Variants in ADAMTS20 observed in about 807,000 individuals in gnomAD.
ADAMTS20 encodes the protein ADAM metallopeptidase with thrombospondin type 1 motif 20, also known as A disintegrin and metalloproteinase with thrombospondin motifs 20.
ADAMTS20 carries 225 observed loss-of-function variants against 260.1 expected under a neutral mutation model. That is an observed-to-expected ratio of 0.87 (90% CI 0.78 to 0.97). The LOEUF is 0.97. ADAMTS20 is among the 50% of genes least tolerant of loss of function. The pLI is 0.00. For missense variants in ADAMTS20, 2,400 were observed against 2,337.7 expected (o/e 1.03, Z -0.55); for synonymous variants, 802 against 769.5 (o/e 1.04, Z -0.70).
At chr12:43,477,359 A>C (rs1218498953) in intron 7 of ADAMTS20, among the ~76,000 whole-genome samples, 1 of 152,168 alleles carries the variant, frequency 6.6e-6, no homozygotes, top group Admixed American at 6.5e-5. Context: ...TGCAAGAAAT[A>C]TATTCAGTAG....
intron 7 of ADAMTS20, among the ~76,000 whole-genome samples, chr12:43,489,122 T>C (rs1942565089): frequency 6.6e-6 from 1 of 151,880 alleles, no homozygotes; most frequent in Admixed American, 6.6e-5. Context: ...TCAAAAAAAA[T>C]TACCCCAATG....
chr12:43,427,809 G>A lies in ADAMTS20; in HGVS notation c.3946-340C>T, dbSNP rs182177704. On this transcript the variant is annotated intron_variant, in intron 26 of 38. Coordinates refer to ENST00000389420, the MANE Select transcript of ADAMTS20 (RefSeq NM_025003.5). The stretch of plus-strand genomic sequence containing the variant: ...TATTAAATTACTTAACTTTACACTG[G>A]TGTTTTTCTTTATTTTGTATTATGA... 3.1e-3 allele frequency among the ~76,000 whole-genome samples: 468 copies of A among 152,180 alleles called. 3 individuals carry two copies. The highest frequency in any genetic ancestry group is 5.4e-3 in the Non-Finnish European group (369 of 67,998).
chr12:43,526,351 G>C (rs1048732052), intron 3 of ADAMTS20, among the ~76,000 whole-genome samples: 1 of 152,084 alleles, frequency 6.6e-6, no homozygotes, highest in South Asian at 2.1e-4. Context: ...CCAGCTACTC[G>C]GGAGGCTGAG....
At chr12:43,506,042 T>A (rs1033996697) in intron 3 of ADAMTS20, among the ~76,000 whole-genome samples, 2 of 152,160 alleles carry the variant, frequency 1.3e-5, no homozygotes, top group African/African-American at 4.8e-5. Context: ...GAGGATCACT[T>A]GAGCCTCCAA....
At chr12:43,414,988 T>C (rs188170633) in intron 28 of ADAMTS20, among the ~76,000 whole-genome samples, 16 of 152,262 alleles carry the variant, frequency 1.1e-4, no homozygotes, top group African/African-American at 3.9e-4. Flanking sequence ...TTCATAGAAG[T>C]CATACAAGTT....
At chr12:43,528,370 A>C (rs912007715) in intron 3 of ADAMTS20, among the ~76,000 whole-genome samples, 13 of 149,136 alleles carry the variant, frequency 8.7e-5, no homozygotes, top group Admixed American at 7.4e-4. Context: ...AAAAAAAAAA[A>C]AAAACACAAA....
chr12:43,479,546 T>A (rs1221881750), intron 7 of ADAMTS20, among the ~76,000 whole-genome samples: 1 of 152,102 alleles, frequency 6.6e-6, no homozygotes. Flanking sequence ...CTCCACACAT[T>A]CATAAATATT....
At chr12:43,463,776 A>G (rs1567460) in intron 10 of ADAMTS20, among the ~76,000 whole-genome samples, 152,256 of 152,260 alleles carry the variant, frequency 1, 76,126 homozygotes, top group Middle Eastern at 1. Context: ...TTTGTGGCAT[A>G]TACTGTGCAA....
chr12:43,462,263 A>G (rs1942076999), intron 11 of ADAMTS20, among the ~76,000 whole-genome samples: 1 of 152,218 alleles, frequency 6.6e-6, no homozygotes, highest in Non-Finnish European at 1.5e-5. Flanking sequence ...TAAACACTTA[A>G]TGTAGTCAAC....
chr12:43,380,768 C>T (rs1940332702), intron 31 of ADAMTS20, among the ~76,000 whole-genome samples: 2 of 152,236 alleles, frequency 1.3e-5, no homozygotes, highest in Middle Eastern at 6.8e-3. Flanking sequence ...ATTCATTCCA[C>T]ATTCGTAGAT....
chr12:43,474,336 G>A (rs1208769259), intron 7 of ADAMTS20, among the ~76,000 whole-genome samples: 5 of 147,994 alleles, frequency 3.4e-5, no homozygotes, highest in African/African-American at 1.2e-4. Context: ...CTGAAATTGT[G>A]GCAATAATCA....
chr12:43,528,539 GCAT>G (rs1405921424), intron 3 of ADAMTS20, among the ~76,000 whole-genome samples: 1 of 151,656 alleles, frequency 6.6e-6, no homozygotes, highest in African/African-American at 2.4e-5. Flanking sequence ...CTTTGACAAA[GCAT>G]ACTACATAAA....
intron 3 of ADAMTS20, among the ~76,000 whole-genome samples, chr12:43,527,790 C>T (rs1207437920): frequency 6.6e-6 from 1 of 152,044 alleles, no homozygotes; most frequent in Non-Finnish European, 1.5e-5. Flanking sequence ...GGCAAGGAGG[C>T]CCACTTTTAC....
rs1491528956 is a variant in ADAMTS20 at position 43,379,987 on chromosome 12, A to AC, written c.4798-2426_4798-2425insG. On this transcript the variant is annotated intron_variant, in intron 31 of 38. Coordinates refer to ENST00000389420, the MANE Select transcript of ADAMTS20 (RefSeq NM_025003.5). ...TTTCCCAAATCCAGACAGACATCAC[A>AC]AAAAAAAAAACTATAGACCAGTAGT... 4.1e-5 allele frequency among the ~76,000 whole-genome samples: 3 copies of AC among 73,392 alleles called. No individual in the cohort carries two copies. In the African/African-American group the frequency reaches 5.3e-4, roughly 13 times the overall value. 48.1% of individuals were successfully genotyped at this position (73,392 alleles called of 152,430 possible).
chr12:43,539,886 A>ATT lies in ADAMTS20; in HGVS notation c.454-7693_454-7692dup, dbSNP rs11437185. 9.1e-3 allele frequency among the ~76,000 whole-genome samples: 1,331 copies of ATT among 146,512 alleles called. 63 individuals carry two copies. In the East Asian group the frequency reaches 0.15, roughly 17 times the overall value. Reference sequence around the variant, plus strand: ...TTAAAAGTACTTATATTAACCATAGATTTTTTTTTTTTTTTGAGACAGAGT... The same window carrying ATT: ...TTAAAAGTACTTATATTAACCATAGATTTTTTTTTTTTTTTTTGAGACAGAGT... On this transcript the variant is annotated intron_variant, in intron 2 of 38. Coordinates refer to ENST00000389420, the MANE Select transcript of ADAMTS20 (RefSeq NM_025003.5).
intron 36 of ADAMTS20, among the ~76,000 whole-genome samples, chr12:43,370,058 C>T (rs1940073873): frequency 6.6e-6 from 1 of 152,088 alleles, no homozygotes; most frequent in Non-Finnish European, 1.5e-5. Context: ...ATTATCCCAA[C>T]CAAATCATCT....
At chr12:43,454,880 A>G (rs1382219966) in intron 11 of ADAMTS20, among the ~76,000 whole-genome samples, 1 of 152,238 alleles carries the variant, frequency 6.6e-6, no homozygotes, top group East Asian at 1.9e-4. Flanking sequence ...AAATTGGCTT[A>G]TGTTTATTTT....
intron 28 of ADAMTS20, among the ~76,000 whole-genome samples, chr12:43,411,671 C>G (rs1941034655): frequency 6.6e-6 from 1 of 152,064 alleles, no homozygotes; most frequent in Admixed American, 6.6e-5. Flanking sequence ...CCTGGCTCAG[C>G]ATCTGCTTTT....
intron 3 of ADAMTS20, among the ~76,000 whole-genome samples, chr12:43,527,492 A>G (rs1034289044): frequency 2.6e-5 from 4 of 152,224 alleles, no homozygotes; most frequent in African/African-American, 7.2e-5. Context: ...ATAATACACC[A>G]TAATCAAGAG....
Sources: allele counts gnomAD v4.1 joint callset (sites outside exome capture counted in the v4.1 genomes callset), GRCh38; gene constraint gnomAD v4.1.1; transcripts MANE v1.5; gene names NCBI Gene and HGNC (gene_info 2026-07-23, HGNC 2026-07-21).